Variants in RBKS observed in about 807,000 individuals in gnomAD.
RBKS encodes ribokinase.
A neutral mutation model predicts 33.9 loss-of-function variants in RBKS; 33 were observed. That is an observed-to-expected ratio of 0.97 (90% CI 0.74 to 1.30). The LOEUF (loss-of-function observed/expected upper bound fraction) is 1.30, where lower values mean the gene tolerates loss of function less well. RBKS is among the 50% of genes most tolerant of loss of function. The pLI is 0.00. For missense variants in RBKS, 361 were observed against 392.6 expected, an observed-to-expected ratio of 0.92 and a Z score of 0.68; for synonymous variants, 125 against 143.0, an observed-to-expected ratio of 0.87 and a Z score of 0.90.
In RBKS at chr2:27,806,468, G is replaced by A. The variant is rs148578430; in HGVS notation, c.795+21099C>T. Among the ~76,000 whole-genome samples, 16 of 152,340 alleles carry A rather than the reference G, an allele frequency of 1.1e-4. No individual in the cohort carries two copies. The East Asian group carries it at 2.7e-3, about 26-fold the overall frequency. The stretch of plus-strand genomic sequence containing the variant: ...CAGCACTTTCTGGTTTACAGGGCAT[G>A]TTTGCAGATGTGATTAAATTTGAAT... On this transcript the variant is annotated intron_variant, in intron 7 of 7. Coordinates refer to ENST00000302188, the MANE Select transcript of RBKS (RefSeq NM_022128.3).
intron 7 of RBKS, among the ~76,000 whole-genome samples, chr2:27,813,742 A>C (rs1386886206): frequency 6.6e-6 from 1 of 152,140 alleles, no homozygotes; most frequent in Non-Finnish European, 1.5e-5. Context: ...GGGGAAAGGC[A>C]ACAATAAGAG....
At chr2:27,798,069 T>A (rs998647912) in intron 7 of RBKS, among the ~76,000 whole-genome samples, 1 of 151,994 alleles carries the variant, frequency 6.6e-6, no homozygotes, top group African/African-American at 2.4e-5. Context: ...TGAGACTTGG[T>A]AATGGTTCAT....
rs187655911 is a variant in RBKS at position 27,886,999 on chromosome 2, C to T, written c.89+3258G>A. Among the ~76,000 whole-genome samples the T allele has an allele frequency of 1.5e-3, 226 of 152,278 alleles. 1 individual carries two copies. The highest frequency in any genetic ancestry group is 2.3e-3 in the Non-Finnish European group (158 of 68,020). ...ATAACATACTCTCTGCTCCCCTCTC[C>T]CAAAGTATGTCCACATCCAAATCCC... On this transcript the variant is annotated intron_variant, in intron 1 of 7. Transcript: ENST00000302188.
At chr2:27,831,691 A>C (rs1678418301) in intron 6 of RBKS, among the ~76,000 whole-genome samples, 2 of 152,194 alleles carry the variant, frequency 1.3e-5, no homozygotes, top group African/African-American at 4.8e-5. Flanking sequence ...TTGTAATCCC[A>C]GTACTTTGGG....
At chr2:27,865,299 G>A (rs1420503118) in intron 1 of RBKS, among the ~76,000 whole-genome samples, 3 of 152,110 alleles carry the variant, frequency 2.0e-5, no homozygotes, top group East Asian at 1.9e-4. Flanking sequence ...CAGCCTGGGC[G>A]ACAGAGCGAG....
chr2:27,853,835 A>G (rs1246876094), intron 2 of RBKS, among the ~76,000 whole-genome samples: 1 of 152,188 alleles, frequency 6.6e-6, no homozygotes, highest in Non-Finnish European at 1.5e-5. Context: ...TTGTTTGAAC[A>G]TATGGCTAAG....
chr2:27,855,648 C>T (rs1014152066), intron 2 of RBKS, among the ~76,000 whole-genome samples: 2 of 152,214 alleles, frequency 1.3e-5, no homozygotes, highest in Non-Finnish European at 2.9e-5. Flanking sequence ...CCAGTTATCA[C>T]TAGACTGTAG....
intron 7 of RBKS, among the ~76,000 whole-genome samples, chr2:27,786,363 C>A (rs547871503): frequency 6.6e-6 from 1 of 152,206 alleles, no homozygotes; most frequent in South Asian, 2.1e-4. Flanking sequence ...TACCTTGCAC[C>A]CTGACCAGAG....
rs148207835 is a variant in RBKS, at chr2:27,809,396, T to C, written c.795+18171A>G. ...GTTTGCGGTGGGTTAATTTATTCTA[T>C]AATTTAAAGAATTCCATGTTAATGA... On this transcript the variant is annotated intron_variant, in intron 7 of 7. Coordinates refer to ENST00000302188, the MANE Select transcript of RBKS (RefSeq NM_022128.3). 5.3e-5 allele frequency among the ~76,000 whole-genome samples: 8 copies of C among 152,342 alleles called. No homozygotes were observed. In the East Asian group the frequency reaches 1.5e-3, roughly 29 times the overall value.
chr2:27,876,680 A>G (rs995074526), intron 1 of RBKS, among the ~76,000 whole-genome samples: 2 of 152,172 alleles, frequency 1.3e-5, no homozygotes, highest in Non-Finnish European at 2.9e-5. Context: ...ATAGGGAGTT[A>G]TTGTTTAATA....
intron 4 of RBKS, among the ~76,000 whole-genome samples, chr2:27,843,831 C>T (rs997522592): frequency 1.3e-5 from 2 of 152,130 alleles, no homozygotes; most frequent in Non-Finnish European, 2.9e-5. Flanking sequence ...TTACTTGGAC[C>T]TGCTGTCTAT....
chr2:27,824,535 C>A lies in RBKS; in HGVS notation c.795+3032G>T, dbSNP rs1273069993. ...TTAGCATAATGCTTTGGAGGTTCAT[C>A]CATGTTGTTGTATGTATCAGTATTC... On this transcript the variant is annotated intron_variant, in intron 7 of 7. Transcript: ENST00000302188. Among the ~76,000 whole-genome samples, 3 of 152,180 alleles carry A rather than the reference C, an allele frequency of 2.0e-5. No homozygotes were observed. The East Asian group carries it at 5.8e-4, about 29-fold the overall frequency.
intron 1 of RBKS, among the ~76,000 whole-genome samples, chr2:27,871,201 GT>G (rs1369651713): frequency 6.6e-6 from 1 of 152,168 alleles, no homozygotes; most frequent in African/African-American, 2.4e-5. Flanking sequence ...GATACTCTCA[GT>G]ACAGACACAT....
chr2:27,852,067 T>A (rs944894614), intron 2 of RBKS, among the ~76,000 whole-genome samples: 3 of 152,186 alleles, frequency 2.0e-5, no homozygotes, highest in African/African-American at 7.2e-5. Flanking sequence ...AGAGCAACTA[T>A]GGACAAGCAC....
intron 5 of RBKS, among the ~76,000 whole-genome samples, chr2:27,836,581 G>T (rs923484852): frequency 6.6e-6 from 1 of 152,006 alleles, no homozygotes; most frequent in East Asian, 1.9e-4. Flanking sequence ...TTTGACACTG[G>T]CATTGGCAAA....
At chr2:27,820,964 G>A (rs1472353564) in intron 7 of RBKS, among the ~76,000 whole-genome samples, 5 of 149,384 alleles carry the variant, frequency 3.3e-5, no homozygotes, top group Non-Finnish European at 5.9e-5. Context: ...CGCTTGAACC[G>A]GGGAGGCAGA....
intron 1 of RBKS, among the ~76,000 whole-genome samples, chr2:27,863,010 A>AAG (rs1664019726): frequency 6.6e-6 from 1 of 152,064 alleles, no homozygotes; most frequent in Non-Finnish European, 1.5e-5. Flanking sequence ...ATTAAAAAAA[A>AAG]AAAGAGGTTT....
intron 1 of RBKS, among the ~76,000 whole-genome samples, chr2:27,878,857 T>G (rs546849810): frequency 1.3e-5 from 2 of 152,224 alleles, no homozygotes; most frequent in African/African-American, 4.8e-5. Flanking sequence ...TCATATCCTT[T>G]GCCCACTTTT....
chr2:27,889,444 G>A (rs1473687887), intron 1 of RBKS, among the ~76,000 whole-genome samples: 1 of 152,026 alleles, frequency 6.6e-6, no homozygotes, highest in African/African-American at 2.4e-5. Flanking sequence ...TAATTGGAGT[G>A]GTAGGATTTT....
Sources: allele counts gnomAD v4.1 joint callset (sites outside exome capture counted in the v4.1 genomes callset), GRCh38; gene constraint gnomAD v4.1.1; transcripts MANE v1.5; gene names NCBI Gene and HGNC (gene_info 2026-07-23, HGNC 2026-07-21).